Variants in LPIN1 observed in about 807,000 individuals in gnomAD.
The protein encoded by LPIN1 is lipin 1.
LPIN1 carries 71 observed loss-of-function variants against 107.5 expected under a neutral mutation model. The ratio of observed to expected loss-of-function variants is 0.66; its 90% CI spans 0.55 to 0.80. The LOEUF is 0.80. LPIN1 is among the 30% of genes least tolerant of loss of function. The probability of loss-of-function intolerance (pLI) is 0.00; values close to 1 mark genes in which losing one functional copy is unlikely to be tolerated. For synonymous variants in LPIN1, 445 were observed against 452.6 expected (o/e 0.98, Z 0.21); for missense variants, 1,043 against 1,160.6 (o/e 0.90, Z 1.47).
At chr2:11,683,456 CG>C (rs1661830845) in intron 1 of LPIN1, 1 of 152,322 alleles carries the variant, frequency 6.6e-6, no homozygotes, top group Non-Finnish European at 1.5e-5. Flanking sequence ...GAGATGGGAG[CG>C]GCTGAAGGGA....
chr2:11,810,554 C>T (rs1231327903), intron 17 of LPIN1, among the ~76,000 whole-genome samples: 1 of 152,182 alleles, frequency 6.6e-6, no homozygotes, highest in East Asian at 1.9e-4. Context: ...GCCTTCCTTT[C>T]TCAAGGTGGC....
chr2:11,678,049 C>T lies in LPIN1; in HGVS notation c.81+321C>T, dbSNP rs1016247491. Among the ~76,000 whole-genome samples the T allele has an allele frequency of 1.2e-4, 19 of 152,296 alleles. 2 individuals carry two copies. In the South Asian group the frequency reaches 2.9e-3, roughly 23 times the overall value. On this transcript the variant is annotated intron_variant, in intron 1 of 21. Coordinates refer to the LPIN1 transcript ENST00000449576. ...GGACTTCAGAGCTTCGTGAGTGCCT[C>T]CAGCCCATCAGGCACTCTGCTAGAA...
At position 11,771,774 on chromosome 2, in the gene LPIN1, C is replaced by T; in HGVS notation, c.596+95C>T. On this transcript the variant is annotated intron_variant, in intron 4 of 20. Coordinates refer to ENST00000674199, the MANE Select transcript of LPIN1 (RefSeq NM_001349206.2). This position sits in a 1 kb window ranked among gnomAD's most constrained non-coding sequence, Gnocchi z 4.8. ...AACTTTTCCCCCATAATTCCTTATT[C>T]TTTTATGTGTTTTAGACCAGTGGTC... The T allele has an allele frequency of 7.5e-7, 1 of 1,330,808 alleles. No homozygotes were observed. Among genetic ancestry groups the T allele is most frequent in the Non-Finnish European group, 1.0e-6 (1 of 966,036 alleles). The allele number at this position is 1,330,808 out of a possible 1,614,324, so 82.4% of individuals were successfully genotyped here. A position where few individuals can be genotyped will look rare whatever the true frequency, so the allele number is the denominator to read the frequency against.
At chr2:11,760,750 T>C (rs1204906249) in intron 1 of LPIN1, among the ~76,000 whole-genome samples, 2 of 152,172 alleles carry the variant, frequency 1.3e-5, no homozygotes, top group Admixed American at 6.5e-5. Context: ...GCTGCCCTTA[T>C]GTCTCTCGCT....
intron 1 of LPIN1, among the ~76,000 whole-genome samples, chr2:11,691,806 T>C (rs1461700206): frequency 1.3e-5 from 2 of 152,264 alleles, no homozygotes; most frequent in Non-Finnish European, 2.9e-5. Context: ...TCCATCCAAG[T>C]TGATTTCCAT....
In LPIN1 at chr2:11,697,247, C is replaced by G. The variant is rs1413159922; in HGVS notation, c.82-16509C>G. ...GGCTGCGTGCTCCCCCTGATCAGCC[C>G]CCAGCTGCTTCTGGATACAACCGCA... On this transcript the variant is annotated intron_variant, in intron 1 of 21. Coordinates refer to the LPIN1 transcript ENST00000449576. This position sits in a 1 kb window ranked among gnomAD's most constrained non-coding sequence, Gnocchi z 4.6. 1.3e-5 allele frequency among the ~76,000 whole-genome samples: 2 copies of G among 152,232 alleles called. No individual in the cohort carries two copies. Among genetic ancestry groups the G allele is most frequent in the Non-Finnish European group, 2.9e-5 (2 of 68,042 alleles).
At chr2:11,820,320 T>A (rs1194344807) in intron 19 of LPIN1, 91 bp from the exon 20 acceptor site, 1 of 828,708 alleles carries the variant, frequency 1.2e-6, no homozygotes, top group African/African-American at 1.7e-5. Flanking sequence ...AATGAAAATT[T>A]GATATCTCAT....
intron 1 of LPIN1, among the ~76,000 whole-genome samples, chr2:11,706,813 C>T (rs1187265221): frequency 1.3e-5 from 2 of 152,134 alleles, no homozygotes; most frequent in South Asian, 4.1e-4. Context: ...TATCTGGGGG[C>T]TCATTAACTA....
Position 11,713,805 on chromosome 2 carries a change from A to G in LPIN1, c.131A>G (p.Asn44Ser), listed in dbSNP as rs763829637. The G allele has an allele frequency of 3.3e-6, 5 of 1,521,846 alleles. No homozygotes were observed. The South Asian group carries it at 6.0e-5, about 18-fold the overall frequency. 94.3% of individuals were successfully genotyped at this position (1,521,846 alleles called of 1,614,324 possible). A position where few individuals can be genotyped will look rare whatever the true frequency, so the allele number is the denominator to read the frequency against. ...TGGATTCGAAATGTATGGTCTTCAA[A>G]CATTAACGTGAGTGCCGCTGTGATA... Residue 44 changes from asparagine (N) to serine (S), a missense_variant, in exon 2 of 22, where the codon AAC (asparagine) becomes AGC (serine). Transcript: ENST00000449576.
chr2:11,761,646 C>A (rs1429314135), intron 1 of LPIN1, among the ~76,000 whole-genome samples: 2 of 152,136 alleles, frequency 1.3e-5, no homozygotes, highest in Non-Finnish European at 2.9e-5. Flanking sequence ...GCAGTTCTTA[C>A]CAGCCCCTGC....
intron 1 of LPIN1, among the ~76,000 whole-genome samples, chr2:11,732,879 TTCTC>T (rs1230955135): frequency 2.7e-5 from 4 of 149,570 alleles, no homozygotes; most frequent in African/African-American, 1.0e-4. Context: ...AAGTGTCCAT[TTCTC>T]TCTCTCTCTT....
At chr2:11,817,760 G>C (rs2577260) in intron 18 of LPIN1, 76,394 of 151,502 alleles carry the variant, frequency 0.5, 20,291 homozygotes, top group African/African-American at 0.64. Context: ...AACCCTGTCT[G>C]TACTAAAAAT....
At chr2:11,808,367 G>A (rs1679075904) in intron 17 of LPIN1, among the ~76,000 whole-genome samples, 1 of 152,164 alleles carries the variant, frequency 6.6e-6, no homozygotes. Flanking sequence ...GCTAAGAATT[G>A]ACCAAGGCTT....
chr2:11,812,131 C>T (rs762467378), intron 17 of LPIN1, among the ~76,000 whole-genome samples: 66 of 152,180 alleles, frequency 4.3e-4, no homozygotes, highest in East Asian at 1.3e-3. Context: ...GAGCAATTTT[C>T]GAAACAAATC....
At chr2:11,695,639 G>T (rs1295867629) in intron 1 of LPIN1, among the ~76,000 whole-genome samples, 2 of 152,148 alleles carry the variant, frequency 1.3e-5, no homozygotes, top group Non-Finnish European at 2.9e-5. Context: ...AGGGTAGCTG[G>T]GCCCCTTTTG....
At chr2:11,734,449 T>C (rs1356625212) in intron 1 of LPIN1, among the ~76,000 whole-genome samples, 1 of 152,184 alleles carries the variant, frequency 6.6e-6, no homozygotes, top group Non-Finnish European at 1.5e-5. Context: ...CCATAACTAG[T>C]CCTCAAGTAA....
intron 17 of LPIN1, chr2:11,805,577 A>G: frequency 3.1e-6 from 1 of 322,034 alleles, no homozygotes; most frequent in Non-Finnish European, 6.0e-6. Context: ...AGACCCTGCG[A>G]GCCAACCAGC....
At chr2:11,737,555 C>A (rs1361303139) in intron 1 of LPIN1, among the ~76,000 whole-genome samples, 2 of 152,042 alleles carry the variant, frequency 1.3e-5, no homozygotes, top group Admixed American at 6.5e-5. Context: ...ACCAAACAAC[C>A]CCATCAAAAA....
At chr2:11,810,301 T>G (rs1679429693) in intron 17 of LPIN1, among the ~76,000 whole-genome samples, 1 of 152,072 alleles carries the variant, frequency 6.6e-6, no homozygotes. Context: ...GAGGCCCCTG[T>G]GAGAAGGTGG....
Sources: allele counts gnomAD v4.1 joint callset (sites outside exome capture counted in the v4.1 genomes callset), GRCh38; gene constraint gnomAD v4.1.1; non-coding constraint Gnocchi (gnomAD v3.1); transcripts MANE v1.5; gene names NCBI Gene and HGNC (gene_info 2026-07-23, HGNC 2026-07-21).